The following ABCC4 variants were observed in gnomAD, a reference collection of about 807,000 sequenced individuals.
The protein encoded by ABCC4 is ATP-binding cassette sub-family C member 4.
In ABCC4, 102 loss-of-function variants were observed where a neutral mutation model predicts 168.5. The ratio of observed to expected loss-of-function variants is 0.61; its 90% CI spans 0.52 to 0.71. The LOEUF (loss-of-function observed/expected upper bound fraction) is 0.71, where lower values mean the gene tolerates loss of function less well. Ranked by LOEUF, ABCC4 falls within the 30% of genes least tolerant of loss-of-function variation. The pLI, the probability that ABCC4 is intolerant of heterozygous loss-of-function variation, is 0.00. For missense variants in ABCC4, 1,402 were observed against 1,605.8 expected, an observed-to-expected ratio of 0.87 and a Z score of 2.17; for synonymous variants, 617 against 590.7, an observed-to-expected ratio of 1.04 and a Z score of -0.65.
chr13:95,259,703 G>T (rs1480579267), intron 1 of ABCC4, among the ~76,000 whole-genome samples: 3 of 152,238 alleles, frequency 2.0e-5, no homozygotes, highest in African/African-American at 7.2e-5. Context: ...GACAGAAGTT[G>T]CAAGACAATG....
intron 21 of ABCC4, among the ~76,000 whole-genome samples, chr13:95,078,791 C>T (rs1181056912): frequency 2.6e-5 from 4 of 152,128 alleles, no homozygotes; most frequent in African/African-American, 4.8e-5. Context: ...TGACTGAACG[C>T]GTCCATCATA....
At chr13:95,156,061 T>C (rs115725906) in intron 19 of ABCC4, among the ~76,000 whole-genome samples, 5,609 of 152,302 alleles carry the variant, frequency 0.037, 326 homozygotes, top group African/African-American at 0.12. Flanking sequence ...CAAATCATAA[T>C]GTATGCTTCA....
At chr13:95,195,613 T>A (rs1340822159) in intron 8 of ABCC4, among the ~76,000 whole-genome samples, 1 of 152,154 alleles carries the variant, frequency 6.6e-6, no homozygotes, top group Non-Finnish European at 1.5e-5. Context: ...ATAAGCTTCT[T>A]TTCACAATCA....
At chr13:95,272,176 C>A (rs916096348) in intron 1 of ABCC4, among the ~76,000 whole-genome samples, 6 of 152,056 alleles carry the variant, frequency 3.9e-5, no homozygotes, top group Admixed American at 1.3e-4. Flanking sequence ...TCCTGAGTAG[C>A]TGGGATTACA....
chr13:95,067,543 C>A (rs2033590708), intron 25 of ABCC4, among the ~76,000 whole-genome samples: 1 of 151,872 alleles, frequency 6.6e-6, no homozygotes, highest in Non-Finnish European at 1.5e-5. Context: ...TGTCCCAGTG[C>A]AATTTTAATC....
intron 21 of ABCC4, 151 bp from the exon 22 acceptor site, chr13:95,075,702 G>C (rs2033876386): frequency 2.1e-6 from 2 of 947,410 alleles, no homozygotes; most frequent in Non-Finnish European, 3.1e-6. Context: ...GTTCCCAATA[G>C]CCTGAGGGGA....
At chr13:95,185,464 A>T (rs2038027889) in intron 11 of ABCC4, among the ~76,000 whole-genome samples, 2 of 152,254 alleles carry the variant, frequency 1.3e-5, no homozygotes, top group Non-Finnish European at 2.9e-5. Flanking sequence ...CCAAATCGCC[A>T]GCAAATACTA....
intron 1 of ABCC4, among the ~76,000 whole-genome samples, chr13:95,266,425 T>C (rs1594408982): frequency 6.6e-6 from 1 of 152,334 alleles, no homozygotes; most frequent in South Asian, 2.1e-4. Context: ...AGCCTGGATT[T>C]TTTACCTTCT....
chr13:95,068,656 T>C (rs926703665), intron 25 of ABCC4, among the ~76,000 whole-genome samples: 1 of 152,188 alleles, frequency 6.6e-6, no homozygotes, highest in African/African-American at 2.4e-5. Context: ...AGTCTTCAAA[T>C]TCAATTTACC....
At chr13:95,112,350 CAA>C (rs35484789) in intron 20 of ABCC4, among the ~76,000 whole-genome samples, 88 of 131,686 alleles carry the variant, frequency 6.7e-4, no homozygotes, top group East Asian at 2.8e-3. Context: ...GAGACCATCT[CAA>C]AAAAAAAAAA....
At chr13:95,217,687 T>C (rs2039160088) in intron 4 of ABCC4, among the ~76,000 whole-genome samples, 1 of 63,920 alleles carries the variant, frequency 1.6e-5, no homozygotes, top group Admixed American at 1.6e-4. Context: ...TGAGCCAAGA[T>C]TGCGCCACTC....
intron 30 of ABCC4, among the ~76,000 whole-genome samples, chr13:95,023,956 C>T (rs1389179835): frequency 6.6e-6 from 1 of 152,148 alleles, no homozygotes; most frequent in African/African-American, 2.4e-5. Flanking sequence ...CCTGTAATCT[C>T]AGCAGTTTGG....
At chr13:95,118,359 T>C (rs924178031) in intron 19 of ABCC4, among the ~76,000 whole-genome samples, 3 of 152,038 alleles carry the variant, frequency 2.0e-5, no homozygotes, top group Non-Finnish European at 2.9e-5. Flanking sequence ...TTCTCCTGCC[T>C]CAGCCTCCCG....
intron 19 of ABCC4, among the ~76,000 whole-genome samples, chr13:95,121,362 T>G (rs946988217): frequency 5.3e-5 from 8 of 152,226 alleles, no homozygotes; most frequent in Admixed American, 3.3e-4. Flanking sequence ...ATTGTAGGAT[T>G]ATAGAGCTTA....
chr13:95,257,141 G>A (rs73546891), intron 1 of ABCC4, among the ~76,000 whole-genome samples: 1,759 of 152,272 alleles, frequency 0.012, 31 homozygotes, highest in African/African-American at 0.039. Context: ...TAAAGTTGAT[G>A]AACACATATT....
chr13:95,095,297 T>C (rs1298658610), intron 20 of ABCC4, among the ~76,000 whole-genome samples: 2 of 149,646 alleles, frequency 1.3e-5, no homozygotes, highest in African/African-American at 4.9e-5. Context: ...TATCTATCTA[T>C]CTATCTATCT....
chr13:95,274,270 A>C (rs2040917039), intron 1 of ABCC4, among the ~76,000 whole-genome samples: 1 of 152,074 alleles, frequency 6.6e-6, no homozygotes, highest in African/African-American at 2.4e-5. Context: ...GCATACTATG[A>C]TGTCTTGACG....
In ABCC4 at chr13:95,021,569, T is replaced by TTGGA; in HGVS notation, c.*2_*5dup. 6.3e-7 allele frequency: 1 copy of TTGGA among 1,589,648 alleles called. No individual in the cohort carries two copies. Among genetic ancestry groups the TTGGA allele is most frequent in the Non-Finnish European group, 8.6e-7 (1 of 1,158,874 alleles). On this transcript the variant is annotated 3_prime_UTR_variant, in exon 31 of 31. Transcript: ENST00000645237. The stretch of plus-strand genomic sequence containing the variant: ...CTTCGGAACGGACTTGACATTTTGG[T>TTGGA]TGGATTCACAGTGCTGTCTCGAAAA...
rs748745765 is a variant in ABCC4, at chr13:95,034,744, T to G, written c.3736-5A>C. 5 of 1,613,846 alleles carry G rather than the reference T, an allele frequency of 3.1e-6. No homozygotes were observed. The African/African-American group carries it at 6.7e-5, about 22-fold the overall frequency. ...CAGTCTTCCTGAATCTAAAACCTGT[T>G]AATCAGCAGAAAGAAACCCATTGAA... On this transcript the variant is annotated splice_polypyrimidine_tract_variant and splice_region_variant and intron_variant, in intron 29 of 30. Coordinates refer to ENST00000645237, the MANE Select transcript of ABCC4 (RefSeq NM_005845.5).
Sources: allele counts gnomAD v4.1 joint callset (sites outside exome capture counted in the v4.1 genomes callset), GRCh38; gene constraint gnomAD v4.1.1; transcripts MANE v1.5; gene names NCBI Gene and HGNC (gene_info 2026-07-23, HGNC 2026-07-21).